The following MUC3A variants were observed in gnomAD, a reference collection of about 807,000 sequenced individuals.
MUC3A encodes mucin 3A, cell surface associated.
MUC3A carries 109 observed loss-of-function variants against 109.0 expected under a neutral mutation model. The ratio of observed to expected loss-of-function variants is 1.00; its 90% CI spans 0.86 to 1.17. MUC3A has a LOEUF of 1.17. MUC3A is among the 50% of genes most tolerant of loss of function. The probability of loss-of-function intolerance (pLI) is 0.00; values close to 1 mark genes in which losing one functional copy is unlikely to be tolerated. For missense variants in MUC3A, 3,537 were observed against 2,469.4 expected (o/e 1.43, Z -9.16); for synonymous variants, 1,398 against 981.4 (o/e 1.42, Z -7.93).
Position 100,954,584 on chromosome 7 carries a change from T to TA in MUC3A, c.2806dup (p.Thr936AsnfsTer7). 2.5e-6 allele frequency: 1 copy of TA among 401,214 alleles called. No individual in the cohort carries two copies. The allele number at this position is 401,214 out of a possible 1,614,324, so 24.9% of individuals were successfully genotyped here. ...TCTCCTCACCTCGAGGCACCACCAG[T>TA]ACACTCCACACAACAGTTGAATCCA... On this transcript the variant is annotated frameshift_variant, in exon 2 of 12. Transcript: ENST00000379458. LOFTEE classifies it high-confidence loss of function.
At position 100,958,159 on chromosome 7, in the gene MUC3A, T is replaced by A. The variant is rs1792151367; in HGVS notation, c.6380T>A (p.Phe2127Tyr). Reference protein sequence around the residue: ...SEMPSHSTPSFTSSITTTENA... With the variant: ...SEMPSHSTPSYTSSITTTENA... ...ATGCCCTCACACAGTACTCCCAGCT[T>A]CACTTCTTCGATCACCACCACTGAG... Residue 2127 changes from phenylalanine to tyrosine, a missense_variant, in exon 2 of 12, where the codon TTC (phenylalanine) becomes TAC (tyrosine). Physicochemically the swap from Phe to Tyr is conservative, Grantham distance 22. Transcript: ENST00000379458. 2.8e-4 allele frequency: 250 copies of A among 894,002 alleles called. No individual in the cohort carries two copies. The highest frequency in any genetic ancestry group is 2.2e-3 in the African/African-American group (47 of 21,396). The allele number at this position is 894,002 out of a possible 1,614,324, so 55.4% of individuals were successfully genotyped here.
chr7:100,957,541 C>T lies in MUC3A; in HGVS notation c.5762C>T (p.Thr1921Ile), dbSNP rs937434252. The T allele has an allele frequency of 4.5e-3, 7,132 of 1,574,336 alleles. 280 individuals carry two copies. In the African/African-American group the frequency reaches 0.088, roughly 19 times the overall value. Residue 1921 changes from threonine (T) to isoleucine (I), a missense_variant, in exon 2 of 12, where the codon ACT becomes ATT. Coordinates refer to ENST00000379458, the MANE Select transcript of MUC3A (RefSeq NM_005960.2). ...IATTETPSHS[T>I]PRFTSSITTT... Reference sequence around the variant, plus strand: ...ACCACCGAGACCCCCTCACACAGTACTCCCAGATTCACTTCTTCAATCACC... The same window carrying T: ...ACCACCGAGACCCCCTCACACAGTATTCCCAGATTCACTTCTTCAATCACC...
Position 100,959,089 on chromosome 7 carries a change from C to G in MUC3A, c.7310C>G (p.Ser2437Ter). ...TSSITTTETT[S>*]ESTPSLSSST... is the part of the protein sequence containing the mutation. ...TCAATCACCACCACTGAGACCACCT[C>G]AGAGAGTACTCCCAGCCTCAGTTCT... The change falls in exon 2 of 12, where the codon TCA (serine) becomes TGA (stop). Residue 2437 changes from serine (S) to a stop codon, truncating the protein, a stop_gained. Transcript: ENST00000379458. LOFTEE classifies it high-confidence loss of function. The G allele has an allele frequency of 6.3e-7, 1 of 1,595,614 alleles. No individual in the cohort carries two copies. The highest frequency in any genetic ancestry group is 8.5e-7 in the Non-Finnish European group (1 of 1,177,912).
At position 100,963,746 on chromosome 7, in the gene MUC3A, C is replaced by T; in HGVS notation, c.9227C>T (p.Ser3076Phe). The T allele has an allele frequency of 1.3e-6, 2 of 1,598,568 alleles. No individual in the cohort carries two copies. The highest frequency in any genetic ancestry group is 1.7e-6 in the Non-Finnish European group (2 of 1,179,830). Residue 3076 changes from serine to phenylalanine, a missense_variant, in exon 5 of 12, where the codon TCC becomes TTC. By Grantham distance (155) the Ser-to-Phe change is radical (BLOSUM62 -2). Transcript: ENST00000379458. ...GFTFKGVEIL[S>F]LRNGSIVVDY... is the part of the protein sequence containing the mutation. Reference sequence around the variant, plus strand: ...ACCTTCAAGGGTGTGGAGATCCTGTCCCTGAGGTAGGAGACCCATCTGGGG... The same window carrying T: ...ACCTTCAAGGGTGTGGAGATCCTGTTCCTGAGGTAGGAGACCCATCTGGGG...
chr7:100,966,102 A>C (rs1792534519), intron 8 of MUC3A: 1 of 448,230 alleles, frequency 2.2e-6, no homozygotes, highest in South Asian at 4.9e-5. Context: ...CCGCCCACTC[A>C]TTCTAGGGTG....
chr7:100,958,380 A>G lies in MUC3A; in HGVS notation c.6601A>G (p.Ser2201Gly). ...TACCATCACTGAGACCACCTCACAC[A>G]GTACTCCCAGCTACATTACCTCAAT... is the stretch of plus-strand genomic sequence containing the variant. ...SNTITETTSH[S>G]TPSYITSITT... Residue 2201 changes from serine to glycine, a missense_variant, in exon 2 of 12, where the codon AGT becomes GGT. Physicochemically the swap from Ser to Gly is moderately conservative, Grantham distance 56. Coordinates refer to ENST00000379458, the MANE Select transcript of MUC3A (RefSeq NM_005960.2). 1.8e-6 allele frequency: 2 copies of G among 1,137,708 alleles called. No individual in the cohort carries two copies. Among genetic ancestry groups the G allele is most frequent in the Non-Finnish European group, 2.6e-6 (2 of 761,758 alleles). The allele number at this position is 1,137,708 out of a possible 1,614,324, so 70.5% of individuals were successfully genotyped here. A position where few individuals can be genotyped will look rare whatever the true frequency, so the allele number is the denominator to read the frequency against.
intron 3 of MUC3A, among the ~76,000 whole-genome samples, chr7:100,961,798 G>A (rs1301271514): frequency 2.6e-5 from 4 of 152,308 alleles, no homozygotes; most frequent in African/African-American, 9.6e-5. Context: ...AGATGACAGA[G>A]GGAGAGTGAG....
Position 100,953,830 on chromosome 7 carries a change from T to A in MUC3A, c.2051T>A (p.Ile684Lys). 2.4e-6 allele frequency: 1 copy of A among 423,862 alleles called. No individual in the cohort carries two copies. 26.3% of individuals were successfully genotyped at this position (423,862 alleles called of 1,614,324 possible). A position where few individuals can be genotyped will look rare whatever the true frequency, so the allele number is the denominator to read the frequency against. ...PSTEVVTSGTINTIPPSILVT... is the reference protein window; with the variant it reads ...PSTEVVTSGTKNTIPPSILVT... ...ACAGAAGTAGTCACCAGTGGCACCA[T>A]AAACACAATCCCTCCATCTATCTTG... is the stretch of plus-strand genomic sequence containing the variant. Residue 684 changes from isoleucine to lysine, a missense_variant, in exon 2 of 12, where the codon ATA (isoleucine) becomes AAA (lysine). Physicochemically the swap from Ile to Lys is moderately radical, Grantham distance 102. Transcript: ENST00000379458.
In MUC3A at chr7:100,953,048, T is replaced by C; in HGVS notation, c.1269T>C (p.Pro423=). The C allele has an allele frequency of 5.4e-6, 8 of 1,472,126 alleles. No homozygotes were observed. Among genetic ancestry groups the C allele is most frequent in the Non-Finnish European group, 7.5e-6 (8 of 1,064,904 alleles). The allele number at this position is 1,472,126 out of a possible 1,614,324, so 91.2% of individuals were successfully genotyped here. A position where few individuals can be genotyped will look rare whatever the true frequency, so the allele number is the denominator to read the frequency against. ...CAACTGCCATCTCCTCACTTCCCCCTACCTCAGGTACTATGGTGACTTCCA... is the reference window on the plus strand; with the variant it reads ...CAACTGCCATCTCCTCACTTCCCCCCACCTCAGGTACTATGGTGACTTCCA... ...TSTTAISSLP[P]TSGTMVTSTT... is the part of the protein sequence containing the mutation. The change falls in exon 2 of 12, where the codon CCT becomes CCC. Residue 423 remains proline (P), a synonymous_variant. Coordinates refer to ENST00000379458, the MANE Select transcript of MUC3A (RefSeq NM_005960.2).
At position 100,960,558 on chromosome 7, in the gene MUC3A, AC is replaced by A; in HGVS notation, c.8782del (p.Gln2928ArgfsTer18). 1 of 1,598,736 alleles carries A rather than the reference AC, an allele frequency of 6.3e-7. No individual in the cohort carries two copies. The highest frequency in any genetic ancestry group is 8.5e-7 in the Non-Finnish European group (1 of 1,179,814). On this transcript the variant is annotated frameshift_variant, in exon 2 of 12. Coordinates refer to ENST00000379458, the MANE Select transcript of MUC3A (RefSeq NM_005960.2). LOFTEE classifies it high-confidence loss of function. ...TRTSETPVAT[T>X]QTPTTLTSRR... ...GACTTCAGAGACACCAGTGGCCACTACCCAGACTCCTACCACCCTTACATCA... is the reference window on the plus strand; with the variant it reads ...GACTTCAGAGACACCAGTGGCCACTACCAGACTCCTACCACCCTTACATCA...
intron 1 of MUC3A, 44 bp downstream of exon 1, chr7:100,949,729 G>C: frequency 6.8e-7 from 1 of 1,471,976 alleles, no homozygotes; most frequent in Non-Finnish European, 9.0e-7. Flanking sequence ...AGCTCCTGAT[G>C]TGATGTTCCA....
intron 10 of MUC3A, 63 bp from the exon 11 acceptor site, chr7:100,966,836 T>TC: frequency 6.3e-7 from 1 of 1,598,292 alleles, no homozygotes; most frequent in East Asian, 2.2e-5. Flanking sequence ...ATTTACTCCG[T>TC]CCCCCTCTCC....
rs369582866 is a variant in MUC3A, at chr7:100,959,320, C to G, written c.7541C>G (p.Thr2514Ser). 440 of 1,568,620 alleles carry G rather than the reference C, an allele frequency of 2.8e-4. 1 individual carries two copies. In the African/African-American group the frequency reaches 5.5e-3, roughly 20 times the overall value. The change falls in exon 2 of 12, where the codon ACT (threonine) becomes AGT (serine). Residue 2514 changes from threonine to serine, a missense_variant. By Grantham distance (58) the Thr-to-Ser change is moderately conservative. Coordinates refer to ENST00000379458, the MANE Select transcript of MUC3A (RefSeq NM_005960.2). ...ACCACAGACTTTCCCTCTATACCCA[C>G]TGATATCAGTACCTTACCAACTCGA... The part of the protein sequence containing the change: ...TTTTDFPSIP[T>S]DISTLPTRTH...
intron 7 of MUC3A, 54 bp downstream of exon 7, chr7:100,965,401 C>T (rs796212703): frequency 0.026 from 39,877 of 1,530,890 alleles, 4 homozygotes; most frequent in Middle Eastern, 0.03. Flanking sequence ...TCCGGGCTAC[C>T]AGGGACATTT....
In MUC3A at chr7:100,963,216, G is replaced by A. The variant is rs547120324; in HGVS notation, c.9118G>A (p.Asp3040Asn). ...TCAGCAGTTCTCGCCGGACCTCAAT[G>A]ACAACACTTCCCAGGCCTACAGGGA... ...VDQQFSPDLN[D>N]NTSQAYRDFN... Residue 3040 changes from aspartate (D) to asparagine (N), a missense_variant, in exon 4 of 12, where the codon GAC becomes AAC. Physicochemically the swap from Asp to Asn is conservative, Grantham distance 23. Transcript: ENST00000379458. The A allele has an allele frequency of 4.8e-5, 77 of 1,598,322 alleles. No individual in the cohort carries two copies. The highest frequency in any genetic ancestry group is 2.7e-4 in the South Asian group (25 of 90,986).
In MUC3A at chr7:100,959,170, C is replaced by G. The variant is rs1207819228; in HGVS notation, c.7391C>G (p.Thr2464Ser). 8 of 1,587,794 alleles carry G rather than the reference C, an allele frequency of 5.0e-6. No homozygotes were observed. In the East Asian group the frequency reaches 9.0e-5, roughly 18 times the overall value. The part of the protein sequence containing the change: ...TSTTAITSHF[T>S]TSETAVTPTP... ...ACAACTGCCATCACCTCACATTTTA[C>G]TACCTCAGAGACTGCGGTGACTCCC... The change falls in exon 2 of 12, where the codon ACT becomes AGT. Residue 2464 changes from threonine to serine, a missense_variant. Transcript: ENST00000379458.
chr7:100,961,157 C>T (rs1477089914), intron 3 of MUC3A, among the ~76,000 whole-genome samples: 9 of 152,422 alleles, frequency 5.9e-5, no homozygotes, highest in Admixed American at 2.0e-4. Context: ...GGGCCCATCT[C>T]CTGACTTGGG....
chr7:100,966,367 A>G lies in MUC3A; in HGVS notation c.9612-19A>G. ...CGAGCCCGGAGGTGAAGAGGGTCTG[A>G]CCCTGCGATCTCCCGCAGCTGCTAC... On this transcript the variant is annotated intron_variant, in intron 8 of 11. Coordinates refer to ENST00000379458, the MANE Select transcript of MUC3A (RefSeq NM_005960.2). The G allele has an allele frequency of 7.6e-7, 1 of 1,321,502 alleles. No individual in the cohort carries two copies. The highest frequency in any genetic ancestry group is 9.6e-7 in the Non-Finnish European group (1 of 1,042,000). The allele number at this position is 1,321,502 out of a possible 1,614,324, so 81.9% of individuals were successfully genotyped here.
In MUC3A at chr7:100,959,150, T is replaced by G. The variant is rs751692686; in HGVS notation, c.7371T>G (p.Thr2457=). Residue 2457 remains threonine, a synonymous_variant, in exon 2 of 12, where the codon ACT becomes ACG. Coordinates refer to ENST00000379458, the MANE Select transcript of MUC3A (RefSeq NM_005960.2). ...ACTCCACAGTCAGCACATCCACAAC[T>G]GCCATCACCTCACATTTTACTACCT... ...TIYSTVSTST[T]AITSHFTTSE... 4 of 1,597,480 alleles carry G rather than the reference T, an allele frequency of 2.5e-6. No individual in the cohort carries two copies. In the South Asian group the frequency reaches 4.4e-5, roughly 18 times the overall value.
Sources: gnomAD v4.1 joint callset for allele counts (sites outside exome capture counted in the v4.1 genomes callset) on GRCh38, gnomAD v4.1.1 for gene constraint, MANE v1.5 for transcripts, NCBI Gene and HGNC (gene_info 2026-07-23, HGNC 2026-07-21) for gene names.